CCSER1: variants seen among roughly 807,000 people sequenced by gnomAD.
The protein encoded by CCSER1 is coiled-coil serine rich protein 1.
A neutral mutation model predicts 82.0 loss-of-function variants in CCSER1; 41 were observed. The observed-to-expected ratio is 0.50, with a 90% CI of 0.39 to 0.65. The LOEUF is 0.65. Ranked by LOEUF, CCSER1 falls within the 30% of genes least tolerant of loss-of-function variation. The probability of loss-of-function intolerance (pLI) is 0.00; values close to 1 mark genes in which losing one functional copy is unlikely to be tolerated. For synonymous variants in CCSER1, 414 were observed against 383.9 expected (o/e 1.08, Z -0.92); for missense variants, 1,119 against 1,064.2 (o/e 1.05, Z -0.72).
chr4:90,806,232 A>G (rs1029236283), intron 7 of CCSER1, among the ~76,000 whole-genome samples: 1 of 152,230 alleles, frequency 6.6e-6, no homozygotes, highest in Non-Finnish European at 1.5e-5. Context: ...TTCTTATGGC[A>G]TATAATAAAT....
At chr4:90,540,681 G>GAGT (rs1475494547) in intron 5 of CCSER1, among the ~76,000 whole-genome samples, 1 of 152,064 alleles carries the variant, frequency 6.6e-6, no homozygotes, top group Non-Finnish European at 1.5e-5. Flanking sequence ...TGAGGTTACA[G>GAGT]AGTAACATGG....
chr4:91,223,967 C>A (rs571800922), intron 10 of CCSER1, among the ~76,000 whole-genome samples: 1 of 151,590 alleles, frequency 6.6e-6, no homozygotes, highest in African/African-American at 2.4e-5. Flanking sequence ...TAGTAAGGTA[C>A]CTTTTTATAA....
chr4:91,031,830 A>G (rs1023160240), intron 9 of CCSER1, among the ~76,000 whole-genome samples: 55 of 152,278 alleles, frequency 3.6e-4, no homozygotes, highest in African/African-American at 1.3e-3. Flanking sequence ...AGTATATAAT[A>G]TCAAATAAAT....
intron 6 of CCSER1, among the ~76,000 whole-genome samples, chr4:90,691,880 G>C (rs563828096): frequency 2.8e-4 from 42 of 151,698 alleles, no homozygotes; most frequent in African/African-American, 1.0e-3. Context: ...AGGTTCCCGT[G>C]TCTGTTGTTC....
intron 10 of CCSER1, among the ~76,000 whole-genome samples, chr4:91,338,435 T>C (rs978496592): frequency 2.6e-5 from 4 of 152,142 alleles, no homozygotes; most frequent in Admixed American, 6.6e-5. Context: ...ACTCTGTAAT[T>C]CTTGAAGAAT....
chr4:91,574,375 AC>A lies in CCSER1; in HGVS notation c.2218-24194del, dbSNP rs1387045679. 2.0e-5 allele frequency among the ~76,000 whole-genome samples: 3 copies of A among 152,228 alleles called. No homozygotes were observed. In the East Asian group the frequency reaches 5.8e-4, roughly 29 times the overall value. Reference sequence around the variant, plus strand: ...GAACTTAAAACAGAACTACCATTTGACCCAGCAATCCCATTACTGGATATGT... The same window carrying A: ...GAACTTAAAACAGAACTACCATTTGACCAGCAATCCCATTACTGGATATGT... On this transcript the variant is annotated intron_variant, in intron 10 of 10. Transcript: ENST00000509176.
chr4:90,628,311 G>A (rs1416499632), intron 6 of CCSER1, 79 bp downstream of exon 6: 7 of 1,108,324 alleles, frequency 6.3e-6, no homozygotes, highest in South Asian at 1.3e-5. Flanking sequence ...ACCCTGCTCT[G>A]TCAGTAATTA....
intron 1 of CCSER1, among the ~76,000 whole-genome samples, chr4:90,180,335 T>G (rs1366622588): frequency 1.3e-5 from 2 of 151,996 alleles, no homozygotes; most frequent in African/African-American, 4.8e-5. Flanking sequence ...ACGCCCATAA[T>G]CCCAGCACTT....
intron 5 of CCSER1, among the ~76,000 whole-genome samples, chr4:90,623,148 C>T (rs1488735807): frequency 6.6e-6 from 1 of 151,780 alleles, no homozygotes; most frequent in African/African-American, 2.4e-5. Flanking sequence ...CTGCCTCAGC[C>T]TCCAGAGTAG....
chr4:91,470,125 G>A (rs1410916465), intron 10 of CCSER1, among the ~76,000 whole-genome samples: 1 of 152,118 alleles, frequency 6.6e-6, no homozygotes, highest in African/African-American at 2.4e-5. Context: ...AGTGCCATGG[G>A]CTAATCGTAT....
chr4:91,288,339 C>T (rs114699533), intron 10 of CCSER1, among the ~76,000 whole-genome samples: 2,258 of 151,800 alleles, frequency 0.015, 26 homozygotes, highest in Non-Finnish European at 0.024. Context: ...TAAAGTCACA[C>T]GGCAACCAAC....
At chr4:90,911,199 A>G in intron 8 of CCSER1, 1 of 426,952 alleles carries the variant, frequency 2.3e-6, no homozygotes, top group Non-Finnish European at 4.6e-6. Context: ...TTTTCAAGTT[A>G]GCAATTTTCT....
At chr4:90,274,047 A>G (rs959133754) in intron 1 of CCSER1, among the ~76,000 whole-genome samples, 13 of 152,222 alleles carry the variant, frequency 8.5e-5, no homozygotes, top group Admixed American at 8.5e-4. Flanking sequence ...TGAGTAATGC[A>G]AATTTAAAAA....
chr4:91,594,812 TAG>T (rs1381883014), intron 10 of CCSER1, among the ~76,000 whole-genome samples: 2 of 152,088 alleles, frequency 1.3e-5, no homozygotes, highest in East Asian at 1.9e-4. Flanking sequence ...GTAGCACAAC[TAG>T]AGTCTTTTGG....
chr4:90,961,763 A>T (rs953254637), intron 9 of CCSER1, among the ~76,000 whole-genome samples: 1 of 152,028 alleles, frequency 6.6e-6, no homozygotes, highest in East Asian at 1.9e-4. Flanking sequence ...GCAATTACTA[A>T]AGACTAGAAT....
intron 9 of CCSER1, among the ~76,000 whole-genome samples, chr4:91,019,506 C>T (rs1739735839): frequency 6.6e-6 from 1 of 152,166 alleles, no homozygotes; most frequent in Admixed American, 6.5e-5. Flanking sequence ...ACAACATTAT[C>T]AACTTTGTGC....
chr4:90,352,018 T>A (rs1490888675), intron 3 of CCSER1, among the ~76,000 whole-genome samples: 1 of 152,152 alleles, frequency 6.6e-6, no homozygotes, highest in Non-Finnish European at 1.5e-5. Context: ...TAAATCTATG[T>A]TCTCATTAAA....
intron 1 of CCSER1, among the ~76,000 whole-genome samples, chr4:90,151,592 A>G (rs114759416): frequency 0.024 from 3,670 of 152,206 alleles, 141 homozygotes; most frequent in African/African-American, 0.082. Context: ...ATAAATTGAT[A>G]GACTGTCAGA....
rs980235569 is a variant in CCSER1 at position 90,902,457 on chromosome 4, A to AT, written c.2095-20904dup. 1.6e-4 allele frequency among the ~76,000 whole-genome samples: 24 copies of AT among 151,070 alleles called. No individual in the cohort carries two copies. In the East Asian group the frequency reaches 1.8e-3, roughly 11 times the overall value. ...GTTTTTGCTATCATTTGGATGGAAG[A>AT]TTTTTTTTTGTATTCCTTTCTCCCT... On this transcript the variant is annotated intron_variant, in intron 8 of 10. Transcript: ENST00000509176.
Sources: gnomAD v4.1 joint callset for allele counts (sites outside exome capture counted in the v4.1 genomes callset) on GRCh38, gnomAD v4.1.1 for gene constraint, MANE v1.5 for transcripts, NCBI Gene and HGNC (gene_info 2026-07-23, HGNC 2026-07-21) for gene names.